LYST: variants seen among roughly 807,000 people sequenced by gnomAD.
LYST encodes lysosomal trafficking regulator, also known as lysosomal-trafficking regulator.
Under a neutral mutation model 413.6 loss-of-function variants are expected in LYST, and 192 were observed. The ratio of observed to expected loss-of-function variants is 0.46; its 90% CI spans 0.41 to 0.52. The LOEUF (loss-of-function observed/expected upper bound fraction) is 0.52. Among genes scored for constraint, LYST ranks in the 20% least tolerant of loss-of-function variants. The probability of loss-of-function intolerance (pLI) is 0.00; values close to 1 mark genes in which losing one functional copy is unlikely to be tolerated. For synonymous variants in LYST, 1,525 were observed against 1,567.3 expected, an observed-to-expected ratio of 0.97 and a Z score of 0.64; for missense variants, 3,815 against 4,499.9, an observed-to-expected ratio of 0.85 and a Z score of 4.35.
chr1:235,831,300 G>A (rs1675954268), intron 2 of LYST, among the ~76,000 whole-genome samples: 1 of 152,204 alleles, frequency 6.6e-6, no homozygotes, highest in South Asian at 2.1e-4. Context: ...AAGAGGCACA[G>A]TCAAGCTCTG....
chr1:235,774,235 A>G (rs1247205090), intron 18 of LYST, among the ~76,000 whole-genome samples: 1 of 152,160 alleles, frequency 6.6e-6, no homozygotes, highest in African/African-American at 2.4e-5. Context: ...AACAAACAGC[A>G]CTCAATTTTT....
At chr1:235,731,799 CCA>C (rs1664404714) in intron 34 of LYST, among the ~76,000 whole-genome samples, 1 of 152,118 alleles carries the variant, frequency 6.6e-6, no homozygotes, top group South Asian at 2.1e-4. Flanking sequence ...CTCAAGTGAT[CCA>C]CCCACCTGGG....
intron 36 of LYST, 131 bp downstream of exon 36, chr1:235,730,716 C>T (rs1039658466): frequency 4.2e-6 from 3 of 711,928 alleles, no homozygotes; most frequent in Admixed American, 2.3e-5. Flanking sequence ...ATAACCTTGT[C>T]CTCCCTTGAG....
intron 3 of LYST, among the ~76,000 whole-genome samples, chr1:235,823,711 G>T (rs200797071): frequency 6.6e-6 from 1 of 152,148 alleles, no homozygotes; most frequent in African/African-American, 2.4e-5. Context: ...TCTAGCCCCC[G>T]TGTTTTTTCA....
At chr1:235,773,767 T>C in intron 19 of LYST, 75 bp downstream of exon 19, 3 of 1,221,742 alleles carry the variant, frequency 2.5e-6, no homozygotes, top group African/African-American at 1.5e-5. Context: ...AACTTAAAAA[T>C]GCTTAAGATG....
intron 32 of LYST, 26 bp from the exon 33 acceptor site, chr1:235,733,932 T>G: frequency 1.8e-6 from 2 of 1,127,450 alleles, no homozygotes; most frequent in African/African-American, 3.2e-5. Flanking sequence ...AATAATATAC[T>G]ATATAAAATT....
intron 42 of LYST, among the ~76,000 whole-genome samples, chr1:235,714,900 C>T (rs777123218): frequency 2.6e-5 from 4 of 152,152 alleles, no homozygotes; most frequent in Non-Finnish European, 2.9e-5. Context: ...AAGTGAACTG[C>T]ATAAACTTTA....
intron 1 of LYST, among the ~76,000 whole-genome samples, chr1:235,846,819 C>G (rs1677939156): frequency 6.6e-6 from 1 of 151,930 alleles, no homozygotes; most frequent in Admixed American, 6.6e-5. Context: ...CCCAATCCAA[C>G]AAAGACAAAG....
At chr1:235,749,674 A>C (rs1338012311) in intron 28 of LYST, among the ~76,000 whole-genome samples, 1 of 152,226 alleles carries the variant, frequency 6.6e-6, no homozygotes, top group Non-Finnish European at 1.5e-5. Context: ...ACTTAGAGTG[A>C]AAAAGACAAG....
intron 45 of LYST, 47 bp from the exon 46 acceptor site, chr1:235,697,319 G>C: frequency 7.2e-7 from 1 of 1,385,912 alleles, no homozygotes; most frequent in Non-Finnish European, 1.0e-6. Context: ...AAGGTGGTAA[G>C]TGTAGAATTA....
chr1:235,667,873 A>C (rs1658623575), intron 50 of LYST, among the ~76,000 whole-genome samples: 1 of 152,094 alleles, frequency 6.6e-6, no homozygotes, highest in African/African-American at 2.4e-5. Context: ...TGTGTTAGCC[A>C]GGATGGTTTT....
At chr1:235,669,186 T>C (rs1036459896) in intron 50 of LYST, among the ~76,000 whole-genome samples, 1 of 152,190 alleles carries the variant, frequency 6.6e-6, no homozygotes, top group African/African-American at 2.4e-5. Flanking sequence ...ACTACATAGC[T>C]TCAGTCTAGA....
Position 235,806,099 on chromosome 1 carries a change from CCTT to C in LYST, c.3034_3036del (p.Lys1012del). ...TTTTCATTTACACTTGTATCTCCCTCCTTTTTTCCTTGCTCCTCTTTGTGACTT... is the reference window on the plus strand; with the variant it reads ...TTTTCATTTACACTTGTATCTCCCTCTTTTCCTTGCTCCTCTTTGTGACTT... On this transcript the variant is annotated inframe_deletion, in exon 6 of 53. Transcript: ENST00000389793. The C allele has an allele frequency of 6.2e-7, 1 of 1,613,850 alleles. No individual in the cohort carries two copies. The highest frequency in any genetic ancestry group is 1.3e-5 in the African/African-American group (1 of 75,030).
chr1:235,734,797 G>A lies in LYST; in HGVS notation c.8359-138C>T, dbSNP rs573059442. 2.5e-5 allele frequency: 15 copies of A among 607,758 alleles called. No individual in the cohort carries two copies. In the South Asian group the frequency reaches 3.3e-4, roughly 13 times the overall value. The allele number at this position is 607,758 out of a possible 1,614,324, so 37.6% of individuals were successfully genotyped here. On this transcript the variant is annotated intron_variant, in intron 31 of 52. Coordinates refer to ENST00000389793, the MANE Select transcript of LYST (RefSeq NM_000081.4). ...ATAAAGCACCTACAAAAGACATTCT[G>A]AGGATAAGTACAGAAATCTGATTAT...
At chr1:235,687,479 G>A (rs1159617391) in intron 47 of LYST, among the ~76,000 whole-genome samples, 1 of 152,120 alleles carries the variant, frequency 6.6e-6, no homozygotes, top group Non-Finnish European at 1.5e-5. Flanking sequence ...TGTAAACAGA[G>A]GTATTGCTTC....
intron 3 of LYST, chr1:235,829,391 C>T (rs905423331): frequency 2.0e-5 from 3 of 151,968 alleles, no homozygotes; most frequent in South Asian, 2.1e-4. Flanking sequence ...TTAATGATGG[C>T]CAATTTTACA....
intron 21 of LYST, among the ~76,000 whole-genome samples, chr1:235,765,450 G>A (rs879417771): frequency 6.6e-6 from 1 of 152,122 alleles, no homozygotes; most frequent in Non-Finnish European, 1.5e-5. Flanking sequence ...CCCTTTCAAT[G>A]ACCTATAACT....
chr1:235,754,764 T>C (rs186120879), intron 25 of LYST, among the ~76,000 whole-genome samples: 96 of 152,250 alleles, frequency 6.3e-4, no homozygotes, highest in African/African-American at 2.0e-3. Context: ...GTGAGTTCAC[T>C]AAATTTTACA....
intron 50 of LYST, among the ~76,000 whole-genome samples, chr1:235,668,342 G>A (rs1331196660): frequency 6.6e-6 from 1 of 151,956 alleles, no homozygotes; most frequent in South Asian, 2.1e-4. Flanking sequence ...AGTCTGGGTC[G>A]CTACAGATAA....
Sources: gnomAD v4.1 joint callset for allele counts (sites outside exome capture counted in the v4.1 genomes callset) on GRCh38, gnomAD v4.1.1 for gene constraint, MANE v1.5 for transcripts, NCBI Gene and HGNC (gene_info 2026-07-23, HGNC 2026-07-21) for gene names.